The following DNMBP variants were observed in gnomAD, a reference collection of about 807,000 sequenced individuals.
DNMBP encodes dynamin-binding protein.
A neutral mutation model predicts 150.0 loss-of-function variants in DNMBP; 87 were observed. That is an observed-to-expected ratio of 0.58 (90% CI 0.49 to 0.69). The LOEUF (loss-of-function observed/expected upper bound fraction) is 0.69, where lower values mean the gene tolerates loss of function less well. DNMBP is among the 30% of genes least tolerant of loss of function. The pLI is 0.00. For synonymous variants in DNMBP, 711 were observed against 750.4 expected, an observed-to-expected ratio of 0.95 and a Z score of 0.86; for missense variants, 1,774 against 1,949.0, an observed-to-expected ratio of 0.91 and a Z score of 1.69.
At chr10:99,987,079 C>T (rs995014053) in intron 1 of DNMBP, among the ~76,000 whole-genome samples, 6 of 149,638 alleles carry the variant, frequency 4.0e-5, no homozygotes, top group South Asian at 2.1e-4. Flanking sequence ...GGCATGAACC[C>T]GGGAGGTGGA....
chr10:99,997,663 G>A (rs2040963028), intron 1 of DNMBP, among the ~76,000 whole-genome samples: 1 of 152,022 alleles, frequency 6.6e-6, no homozygotes, highest in Admixed American at 6.6e-5. Flanking sequence ...TTTAAAAAAG[G>A]AGGCCAGGTG....
Position 99,941,629 on chromosome 10 carries a change from C to T in DNMBP, c.2260+13585G>A, listed in dbSNP as rs563113253. On this transcript the variant is annotated intron_variant, in intron 4 of 16. Coordinates refer to ENST00000324109, the MANE Select transcript of DNMBP (RefSeq NM_015221.4). ...GATTACAGGCATGTGCCACCATGCC[C>T]GGCTAATTTTGTATTTTTAGTAGAG... is the stretch of plus-strand genomic sequence containing the variant. 1.6e-3 allele frequency among the ~76,000 whole-genome samples: 245 copies of T among 152,098 alleles called. 2 individuals are homozygous for T. Among genetic ancestry groups the T allele is most frequent in the African/African-American group, 4.7e-3 (196 of 41,498 alleles).
At chr10:100,005,178 C>A (rs2041054646) in intron 1 of DNMBP, among the ~76,000 whole-genome samples, 1 of 152,140 alleles carries the variant, frequency 6.6e-6, no homozygotes, top group Admixed American at 6.6e-5. Flanking sequence ...ACTGGGGCAG[C>A]CACTGTGGAG....
intron 1 of DNMBP, among the ~76,000 whole-genome samples, chr10:99,972,833 G>A (rs1005690379): frequency 3.9e-5 from 6 of 152,198 alleles, no homozygotes; most frequent in African/African-American, 1.4e-4. Flanking sequence ...GGAGTGCAGT[G>A]GCACAATCTT....
chr10:99,970,503 G>A (rs1306579039), intron 2 of DNMBP, among the ~76,000 whole-genome samples: 2 of 152,196 alleles, frequency 1.3e-5, no homozygotes, highest in Non-Finnish European at 2.9e-5. Context: ...GATCCAAGAA[G>A]GAGTGAACAG....
intron 1 of DNMBP, among the ~76,000 whole-genome samples, chr10:99,992,929 A>AGCTAGT (rs2040912299): frequency 2.0e-5 from 3 of 152,184 alleles, no homozygotes; most frequent in Admixed American, 1.3e-4. Context: ...CTGTAGCCCC[A>AGCTAGT]GCTAGTCAGG....
At chr10:99,966,204 G>A (rs1008199170) in intron 3 of DNMBP, among the ~76,000 whole-genome samples, 1 of 152,106 alleles carries the variant, frequency 6.6e-6, no homozygotes, top group African/African-American at 2.4e-5. Flanking sequence ...AGGCATAGAA[G>A]GAAAGCTGAC....
chr10:99,884,387 G>A (rs2039424095), intron 14 of DNMBP, among the ~76,000 whole-genome samples, 178 bp from the exon 15 acceptor site: 1 of 152,094 alleles, frequency 6.6e-6, no homozygotes, highest in Non-Finnish European at 1.5e-5. Context: ...AAAATCAAGA[G>A]CCCTTAGGCA....
At position 99,994,353 on chromosome 10, in the gene DNMBP, A is replaced by G. The variant is rs193084941; in HGVS notation, c.-11+15485T>C. Among the ~76,000 whole-genome samples the G allele has an allele frequency of 3.3e-5, 5 of 152,352 alleles. No homozygotes were observed. In the East Asian group the frequency reaches 9.6e-4, roughly 29 times the overall value. On this transcript the variant is annotated intron_variant, in intron 1 of 16. Transcript: ENST00000324109. ...ACATTTCCTGGCAAATGGTACATAC[A>G]GTACTCAGTAAATGTCAGCAATGAG...
chr10:99,940,299 T>A (rs1463132508), intron 4 of DNMBP, among the ~76,000 whole-genome samples: 3 of 152,236 alleles, frequency 2.0e-5, no homozygotes, highest in Non-Finnish European at 4.4e-5. Context: ...ACTTTGCCAC[T>A]TAATAGCTGT....
Position 99,877,108 on chromosome 10 carries a change from C to G in DNMBP, c.*43G>C. 2.6e-6 allele frequency: 4 copies of G among 1,560,536 alleles called. No individual in the cohort carries two copies. The highest frequency in any genetic ancestry group is 3.5e-6 in the Non-Finnish European group (4 of 1,152,772). On this transcript the variant is annotated 3_prime_UTR_variant, in exon 17 of 17. Coordinates refer to ENST00000324109, the MANE Select transcript of DNMBP (RefSeq NM_015221.4). ...GTGGGCCGCCAGAACCCTCGGCGGACTGAAAGCAAAGGCAGCAAGGCTGGG... is the reference window on the plus strand; with the variant it reads ...GTGGGCCGCCAGAACCCTCGGCGGAGTGAAAGCAAAGGCAGCAAGGCTGGG...
chr10:99,898,374 CTTTTT>C, intron 8 of DNMBP, 89 bp from the exon 9 acceptor site: 1 of 1,089,040 alleles, frequency 9.2e-7, no homozygotes, highest in South Asian at 1.3e-5. Flanking sequence ...TTAAAAAAAA[CTTTTT>C]TTTAACATAA....
At chr10:99,901,125 A>G (rs1023369731) in intron 6 of DNMBP, among the ~76,000 whole-genome samples, 1 of 152,134 alleles carries the variant, frequency 6.6e-6, no homozygotes, top group Non-Finnish European at 1.5e-5. Context: ...TAGTAGAGAC[A>G]GGGTTTTGCC....
chr10:99,961,632 G>A (rs1392104236), intron 3 of DNMBP, among the ~76,000 whole-genome samples: 1 of 151,974 alleles, frequency 6.6e-6, no homozygotes, highest in Non-Finnish European at 1.5e-5. Context: ...TTGAAATCTT[G>A]TCCCCACGCA....
chr10:99,983,658 G>C (rs2040801729), intron 1 of DNMBP, among the ~76,000 whole-genome samples: 1 of 152,216 alleles, frequency 6.6e-6, no homozygotes, highest in African/African-American at 2.4e-5. Context: ...CAGGACCGCA[G>C]CACTGACTCA....
intron 2 of DNMBP, among the ~76,000 whole-genome samples, chr10:99,971,669 C>T (rs543603778): frequency 9.9e-5 from 15 of 151,954 alleles, no homozygotes; most frequent in African/African-American, 1.7e-4. Flanking sequence ...TACAGGCACG[C>T]GCCACCACAC....
In DNMBP at chr10:99,956,857, C is replaced by A. The variant is rs1329221060; in HGVS notation, c.617G>T (p.Arg206Met). ...EGFVELLGPL[R>M]TVDESVSSGN... is the part of the protein sequence containing the mutation. Reference sequence around the variant, plus strand: ...AGAACTTACTGACTCATCCACAGTCCTCAGGGGCCCCAACAGCTCTACAAA... The same window carrying A: ...AGAACTTACTGACTCATCCACAGTCATCAGGGGCCCCAACAGCTCTACAAA... Residue 206 changes from arginine (R) to methionine (M), a missense_variant, in exon 4 of 17, where the codon AGG becomes ATG. Coordinates refer to ENST00000324109, the MANE Select transcript of DNMBP (RefSeq NM_015221.4). 1 of 1,614,142 alleles carries A rather than the reference C, an allele frequency of 6.2e-7. No homozygotes were observed. The highest frequency in any genetic ancestry group is 8.5e-7 in the Non-Finnish European group (1 of 1,180,030).
chr10:99,906,837 G>A (rs976904273), intron 6 of DNMBP, among the ~76,000 whole-genome samples: 2 of 152,202 alleles, frequency 1.3e-5, no homozygotes, highest in African/African-American at 2.4e-5. Context: ...CAGAAGCAGC[G>A]AGGTAATACA....
chr10:99,972,043 T>C lies in DNMBP; in HGVS notation c.82A>G (p.Ile28Val), dbSNP rs2133355453. ...SEELPLFVGD[I>V]IEVLAVVDEF... ...TCCACCACTGCCAGCACCTCAATAA[T>C]ATCTCCCACAAAGAGCGGCAGTTCT... Residue 28 changes from isoleucine (I) to valine (V), a missense_variant, in exon 2 of 17, where the codon ATT becomes GTT. Transcript: ENST00000324109. 4 of 1,613,958 alleles carry C rather than the reference T, an allele frequency of 2.5e-6. No homozygotes were observed. The highest frequency in any genetic ancestry group is 2.5e-6 in the Non-Finnish European group (3 of 1,179,986).
Sources: allele counts gnomAD v4.1 joint callset (sites outside exome capture counted in the v4.1 genomes callset), GRCh38; gene constraint gnomAD v4.1.1; transcripts MANE v1.5; gene names NCBI Gene and HGNC (gene_info 2026-07-23, HGNC 2026-07-21).